The following ARHGAP25 variants were observed in gnomAD, a reference collection of about 807,000 sequenced individuals.
ARHGAP25 encodes the protein rho GTPase-activating protein 25.
Under a neutral mutation model 71.0 loss-of-function variants are expected in ARHGAP25, and 34 were observed. The observed-to-expected ratio is 0.48, with a 90% CI of 0.36 to 0.64. ARHGAP25 has a LOEUF of 0.64. Ranked by LOEUF, ARHGAP25 falls within the 30% of genes least tolerant of loss-of-function variation. The probability of loss-of-function intolerance (pLI) is 0.00; values close to 1 mark genes in which losing one functional copy is unlikely to be tolerated. For missense variants in ARHGAP25, 706 were observed against 805.1 expected, an observed-to-expected ratio of 0.88 and a Z score of 1.49; for synonymous variants, 282 against 296.5, an observed-to-expected ratio of 0.95 and a Z score of 0.50.
chr2:68,758,359 A>G (rs928218467), intron 1 of ARHGAP25, among the ~76,000 whole-genome samples: 2 of 151,992 alleles, frequency 1.3e-5, no homozygotes, highest in Non-Finnish European at 2.9e-5. Context: ...TACGCTGTCT[A>G]CAAGAGACTC....
In ARHGAP25 at chr2:68,826,612, A is replaced by C; in HGVS notation, c.*418A>C. ...GGCATCTCTGAGACACAGGGGCAGA[A>C]AATGACATTCATCTTTTGAGTCCTC... On this transcript the variant is annotated 3_prime_UTR_variant, in exon 11 of 11. Coordinates refer to ENST00000409202, the MANE Select transcript of ARHGAP25 (RefSeq NM_001007231.3). 1 of 325,258 alleles carries C rather than the reference A, an allele frequency of 3.1e-6. No individual in the cohort carries two copies. The highest frequency in any genetic ancestry group is 2.5e-5 in the South Asian group (1 of 39,324). 20.1% of individuals were successfully genotyped at this position (325,258 alleles called of 1,614,324 possible).
rs577001421 is a variant in ARHGAP25, at chr2:68,736,927, T to A, written c.61+1667T>A. Among the ~76,000 whole-genome samples the A allele has an allele frequency of 1.1e-4, 17 of 152,146 alleles. No individual in the cohort carries two copies. In the South Asian group the frequency reaches 1.5e-3, roughly 13 times the overall value. ...TATGTTCACTAGCCCCAGCAGACAG[T>A]TTTCACCCATTTAGTATAGGGCACA... On this transcript the variant is annotated intron_variant, in intron 1 of 10. Coordinates refer to ENST00000409202, the MANE Select transcript of ARHGAP25 (RefSeq NM_001007231.3).
intron 1 of ARHGAP25, among the ~76,000 whole-genome samples, chr2:68,766,198 G>A (rs1295993884): frequency 6.6e-6 from 1 of 152,238 alleles, no homozygotes; most frequent in African/African-American, 2.4e-5. Context: ...CCACTAGGGT[G>A]TTGGGCAGAG....
intron 1 of ARHGAP25, among the ~76,000 whole-genome samples, chr2:68,751,874 T>C (rs1295115614): frequency 6.6e-6 from 1 of 152,228 alleles, no homozygotes; most frequent in South Asian, 2.1e-4. Flanking sequence ...GCCACAGGCC[T>C]GCTTCCTGTT....
In ARHGAP25 at chr2:68,815,792, G is replaced by T. The variant is rs1181777626; in HGVS notation, c.808-497G>T. ...ATCCATTGCAGAGCTTGAACAGTCT[G>T]ACCTTGCACCGTCCTCCAGCGTGGT... On this transcript the variant is annotated intron_variant, in intron 6 of 10. Coordinates refer to ENST00000409202, the MANE Select transcript of ARHGAP25 (RefSeq NM_001007231.3). Among the ~76,000 whole-genome samples, 11 of 136,242 alleles carry T rather than the reference G, an allele frequency of 8.1e-5. No homozygotes were observed. In the East Asian group the frequency reaches 2.1e-3, roughly 26 times the overall value. The allele number at this position is 136,242 out of a possible 152,430, so 89.4% of individuals were successfully genotyped here. A position where few individuals can be genotyped will look rare whatever the true frequency, so the allele number is the denominator to read the frequency against.
At chr2:68,793,849 G>A (rs1321020354) in intron 4 of ARHGAP25, among the ~76,000 whole-genome samples, 1 of 152,032 alleles carries the variant, frequency 6.6e-6, no homozygotes, top group Non-Finnish European at 1.5e-5. Context: ...CATTGAATCT[G>A]TAGATTGCTT....
chr2:68,720,217 C>G (rs773574334), intron 2 of ARHGAP25, among the ~76,000 whole-genome samples: 6 of 150,300 alleles, frequency 4.0e-5, no homozygotes, highest in African/African-American at 1.2e-4. Context: ...AGATGCCACT[C>G]TAATGGGCTT....
At chr2:68,774,699 T>A in intron 1 of ARHGAP25, 1 of 984,146 alleles carries the variant, frequency 1.0e-6, no homozygotes, top group Non-Finnish European at 1.2e-6. Flanking sequence ...ACAGCGAGGT[T>A]GGAGCTAACA....
Position 68,735,236 on chromosome 2 carries a change from C to G in ARHGAP25, c.37C>G (p.Leu13Val). The G allele has an allele frequency of 6.2e-7, 1 of 1,614,156 alleles. No homozygotes were observed. The highest frequency in any genetic ancestry group is 8.5e-7 in the Non-Finnish European group (1 of 1,180,008). The change falls in exon 1 of 11, where the codon CTG (leucine) becomes GTG (valine). Residue 13 changes from leucine to valine, a missense_variant. Leu to Val is a conservative substitution (Grantham distance 32, BLOSUM62 1). Coordinates refer to ENST00000409202, the MANE Select transcript of ARHGAP25 (RefSeq NM_001007231.3). Reference protein sequence around the residue: ...LKLPRNWDFNLKVEAAKIARS... With the variant: ...LKLPRNWDFNVKVEAAKIARS... ...ATTGCCAAGGAACTGGGATTTCAACCTGAAAGTGGAGGCTGCGAAAATAGG... is the reference window on the plus strand; with the variant it reads ...ATTGCCAAGGAACTGGGATTTCAACGTGAAAGTGGAGGCTGCGAAAATAGG...
At chr2:68,721,651 C>G (rs1674765786) in intron 2 of ARHGAP25, among the ~76,000 whole-genome samples, 1 of 152,192 alleles carries the variant, frequency 6.6e-6, no homozygotes, top group Non-Finnish European at 1.5e-5. Context: ...ATCAGCTGCT[C>G]TAGTTATTTC....
intron 9 of ARHGAP25, 128 bp downstream of exon 9, chr2:68,819,447 C>A: frequency 1.1e-6 from 1 of 920,740 alleles, no homozygotes; most frequent in Non-Finnish European, 1.7e-6. Context: ...GGCGCTGCTG[C>A]TACAGACTCA....
At chr2:68,810,128 TA>T (rs11332513) in intron 5 of ARHGAP25, among the ~76,000 whole-genome samples, 64,663 of 129,124 alleles carry the variant, frequency 0.5, 16,397 homozygotes, top group East Asian at 0.85. Context: ...AGCCCTTGAT[TA>T]AAAAAAAAAA....
At chr2:68,793,557 T>A (rs941398224) in intron 4 of ARHGAP25, among the ~76,000 whole-genome samples, 1 of 152,192 alleles carries the variant, frequency 6.6e-6, no homozygotes, top group African/African-American at 2.4e-5. Context: ...TATGTTCTTA[T>A]AGACTTTGTC....
chr2:68,795,963 T>C (rs1462739063), intron 4 of ARHGAP25, among the ~76,000 whole-genome samples: 3 of 152,198 alleles, frequency 2.0e-5, no homozygotes, highest in Non-Finnish European at 4.4e-5. Context: ...CATATGTATT[T>C]AGAATTGTTA....
At chr2:68,726,171 C>G (rs1040812189) in intron 2 of ARHGAP25, among the ~76,000 whole-genome samples, 3 of 152,190 alleles carry the variant, frequency 2.0e-5, no homozygotes, top group African/African-American at 4.8e-5. Flanking sequence ...CATCTGTCTT[C>G]TTGTTGGCTG....
intron 4 of ARHGAP25, among the ~76,000 whole-genome samples, chr2:68,791,005 C>T (rs1208934795): frequency 6.6e-6 from 1 of 152,184 alleles, no homozygotes; most frequent in East Asian, 1.9e-4. Context: ...CCTCCAGGCC[C>T]TTGCACTTGC....
At position 68,741,160 on chromosome 2, in the gene ARHGAP25, C is replaced by T. The variant is rs75419957; in HGVS notation, c.61+5900C>T. 5.6e-3 allele frequency among the ~76,000 whole-genome samples: 860 copies of T among 152,304 alleles called. 7 individuals are homozygous for T. Among genetic ancestry groups the T allele is most frequent in the Non-Finnish European group, 8.5e-3 (575 of 68,020 alleles). On this transcript the variant is annotated intron_variant, in intron 1 of 10. Coordinates refer to ENST00000409202, the MANE Select transcript of ARHGAP25 (RefSeq NM_001007231.3). ...TTGGATTACATTATCTTGCTACCCT[C>T]GCAGAATAGGGCTCACTGAGTTGTC...
intron 2 of ARHGAP25, among the ~76,000 whole-genome samples, chr2:68,727,617 C>T (rs976818694): frequency 2.0e-5 from 3 of 152,348 alleles, no homozygotes; most frequent in Admixed American, 6.5e-5. Flanking sequence ...TCTGACTCTC[C>T]TGGAGTCTGT....
At position 68,767,420 on chromosome 2, in the gene ARHGAP25, T is replaced by A. The variant is rs913318914; in HGVS notation, c.62-7801T>A. ...TGGGGGGTCTGCATGTATGTATGTG[T>A]GAATGTGGCAGGGGCGTTGCGTGTG... On this transcript the variant is annotated intron_variant, in intron 1 of 10. Coordinates refer to ENST00000409202, the MANE Select transcript of ARHGAP25 (RefSeq NM_001007231.3). This position sits in a 1 kb window ranked among gnomAD's most constrained non-coding sequence, Gnocchi z 4.6. 2.6e-5 allele frequency among the ~76,000 whole-genome samples: 4 copies of A among 151,958 alleles called. No individual in the cohort carries two copies. Among genetic ancestry groups the A allele is most frequent in the African/African-American group, 9.7e-5 (4 of 41,326 alleles).
Sources: allele counts gnomAD v4.1 joint callset (sites outside exome capture counted in the v4.1 genomes callset), GRCh38; gene constraint gnomAD v4.1.1; non-coding constraint Gnocchi (gnomAD v3.1); transcripts MANE v1.5; gene names NCBI Gene and HGNC (gene_info 2026-07-23, HGNC 2026-07-21).